SEC23IP: variants seen among roughly 807,000 people sequenced by gnomAD.
The protein encoded by SEC23IP is SEC23-interacting protein.
In SEC23IP, 70 loss-of-function variants were observed where a neutral mutation model predicts 113.4. That is an observed-to-expected ratio of 0.62 (90% CI 0.51 to 0.75). SEC23IP has a LOEUF of 0.75. Among genes scored for constraint, SEC23IP ranks in the 30% least tolerant of loss-of-function variants. The pLI is 0.00. For synonymous variants in SEC23IP, 398 were observed against 421.0 expected (o/e 0.95, Z 0.67); for missense variants, 1,160 against 1,204.9 (o/e 0.96, Z 0.55).
intron 18 of SEC23IP, among the ~76,000 whole-genome samples, chr10:119,937,485 G>A (rs927847285): frequency 1.3e-5 from 2 of 151,894 alleles, no homozygotes; most frequent in Admixed American, 6.6e-5. Context: ...AATTAGATGG[G>A]TGTGGTGGCT....
chr10:119,934,994 G>C (rs988552089), intron 18 of SEC23IP, among the ~76,000 whole-genome samples: 13 of 152,060 alleles, frequency 8.5e-5, no homozygotes, highest in Non-Finnish European at 1.6e-4. Flanking sequence ...AAAATTAGTC[G>C]GGTGTGGTGG....
At chr10:119,925,326 T>C (rs1564920822) in intron 12 of SEC23IP, among the ~76,000 whole-genome samples, 1 of 152,222 alleles carries the variant, frequency 6.6e-6, no homozygotes, top group Non-Finnish European at 1.5e-5. Context: ...CTAAGTAGCA[T>C]GAACAGTATG....
At chr10:119,893,494 A>T (rs978466640) in intron 1 of SEC23IP, among the ~76,000 whole-genome samples, 1 of 150,480 alleles carries the variant, frequency 6.6e-6, no homozygotes, top group African/African-American at 2.5e-5. Context: ...TGAAGTAGAC[A>T]TATACAATGC....
chr10:119,918,141 C>T (rs957679177), intron 9 of SEC23IP, 97 bp downstream of exon 9: 2 of 1,047,216 alleles, frequency 1.9e-6, no homozygotes, highest in Admixed American at 2.3e-5. Flanking sequence ...TTAAGAATTA[C>T]AGATTTTAAG....
rs745835504 is a variant in SEC23IP, at chr10:119,933,669, G to A, written c.2922-17G>A. On this transcript the variant is annotated splice_polypyrimidine_tract_variant and intron_variant, in intron 17 of 18. Transcript: ENST00000369075. Reference sequence around the variant, plus strand: ...TTCTAATTGTCTCTTAAGTAAATATGCTTTTCCTTTTCATAGGGAATCTGA... The same window carrying A: ...TTCTAATTGTCTCTTAAGTAAATATACTTTTCCTTTTCATAGGGAATCTGA... The A allele has an allele frequency of 7.3e-7, 1 of 1,365,328 alleles. No individual in the cohort carries two copies. The highest frequency in any genetic ancestry group is 1.2e-5 in the South Asian group (1 of 84,554). The allele number at this position is 1,365,328 out of a possible 1,614,324, so 84.6% of individuals were successfully genotyped here. A position where few individuals can be genotyped will look rare whatever the true frequency, so the allele number is the denominator to read the frequency against.
Position 119,917,871 on chromosome 10 carries a change from G to A in SEC23IP, c.1580G>A (p.Arg527Gln), listed in dbSNP as rs750514756. ...AAAATCACTTTGCCAAGTATTGGTC[G>A]ATTTCGTCACTTTACCAATGAAACT... The part of the protein sequence containing the change: ...IKKITLPSIG[R>Q]FRHFTNETLL... Residue 527 changes from arginine (R) to glutamine (Q), a missense_variant, in exon 9 of 19, where the codon CGA becomes CAA. Transcript: ENST00000369075. 27 of 1,613,862 alleles carry A rather than the reference G, an allele frequency of 1.7e-5. No individual in the cohort carries two copies. In the East Asian group the frequency reaches 2.2e-4, roughly 13 times the overall value.
intron 6 of SEC23IP, 28 bp downstream of exon 6, chr10:119,912,192 T>C: frequency 6.2e-7 from 1 of 1,609,994 alleles, no homozygotes; most frequent in Non-Finnish European, 8.5e-7. Context: ...AGAACTGAGG[T>C]CTGTTTTAGT....
At chr10:119,913,016 G>A (rs1274322601) in intron 6 of SEC23IP, among the ~76,000 whole-genome samples, 1 of 152,166 alleles carries the variant, frequency 6.6e-6, no homozygotes, top group Non-Finnish European at 1.5e-5. Context: ...AACAGTAGAA[G>A]TTATTCCTTC....
At chr10:119,896,731 C>G (rs564220289) in intron 1 of SEC23IP, among the ~76,000 whole-genome samples, 3 of 151,546 alleles carry the variant, frequency 2.0e-5, no homozygotes, top group Non-Finnish European at 4.4e-5. Context: ...GTTTCTCGGA[C>G]CAGGTTGACC....
At chr10:119,915,951 G>A (rs187517185) in intron 8 of SEC23IP, 62 bp downstream of exon 8, 13 of 1,303,204 alleles carry the variant, frequency 1.0e-5, no homozygotes, top group Middle Eastern at 2.0e-4. Flanking sequence ...GATTTAAACC[G>A]TAATATGAAA....
chr10:119,908,124 C>T (rs983083705), intron 4 of SEC23IP, among the ~76,000 whole-genome samples: 4 of 152,058 alleles, frequency 2.6e-5, no homozygotes, highest in Admixed American at 6.6e-5. Flanking sequence ...ATTTTGGTAT[C>T]TTTGAGGGGT....
intron 18 of SEC23IP, among the ~76,000 whole-genome samples, chr10:119,936,621 A>G (rs967437693): frequency 1.3e-5 from 2 of 150,796 alleles, no homozygotes; most frequent in African/African-American, 2.4e-5. Context: ...CTCAATTTTC[A>G]TATTTACCAT....
intron 4 of SEC23IP, among the ~76,000 whole-genome samples, chr10:119,905,150 A>G (rs1350686210): frequency 6.6e-6 from 1 of 152,030 alleles, no homozygotes; most frequent in African/African-American, 2.4e-5. Context: ...AAAAAAAAGT[A>G]TATATTTGTA....
rs1426637550 is a variant in SEC23IP, at chr10:119,929,570, G to A, written c.2314-37G>A. On this transcript the variant is annotated intron_variant, in intron 13 of 18. Coordinates refer to ENST00000369075, the MANE Select transcript of SEC23IP (RefSeq NM_007190.4). ...AAGAATTTTCTACTAGGTGACATTG[G>A]AACAATCATCTTTCATTGTTATTTG... is the stretch of plus-strand genomic sequence containing the variant. 3.2e-6 allele frequency: 5 copies of A among 1,570,886 alleles called. No homozygotes were observed. The East Asian group carries it at 9.0e-5, about 28-fold the overall frequency.
chr10:119,930,141 T>C (rs1229816244), intron 14 of SEC23IP, among the ~76,000 whole-genome samples, 188 bp from the exon 15 acceptor site: 4 of 152,268 alleles, frequency 2.6e-5, no homozygotes. Flanking sequence ...TCTTTTGCTT[T>C]GCTTGCAAAG....
intron 8 of SEC23IP, among the ~76,000 whole-genome samples, chr10:119,917,541 G>A (rs1323666081): frequency 6.6e-6 from 1 of 152,002 alleles, no homozygotes; most frequent in Non-Finnish European, 1.5e-5. Context: ...ACCACACTCG[G>A]CTAATTTGTG....
intron 18 of SEC23IP, among the ~76,000 whole-genome samples, chr10:119,938,621 T>C (rs553707988): frequency 1.2e-4 from 19 of 152,302 alleles, no homozygotes; most frequent in African/African-American, 3.6e-4. Flanking sequence ...CAGTAGAAGT[T>C]CTCAGTATAC....
At chr10:119,906,945 A>G (rs181832105) in intron 4 of SEC23IP, among the ~76,000 whole-genome samples, 17 of 152,138 alleles carry the variant, frequency 1.1e-4, no homozygotes, top group African/African-American at 3.9e-4. Context: ...TTGCTTTTAG[A>G]AATTATGAAT....
In SEC23IP at chr10:119,942,481, C is replaced by T. The variant is rs1855993718; in HGVS notation, c.*1916C>T. 6.6e-6 allele frequency: 1 copy of T among 152,160 alleles called. No individual in the cohort carries two copies. The highest frequency in any genetic ancestry group is 1.5e-5 in the Non-Finnish European group (1 of 68,028). The allele number at this position is 152,160 out of a possible 1,614,324, so 9.4% of individuals were successfully genotyped here. Reference sequence around the variant, plus strand: ...TGTAACCACCTTGCAGGATTTCAGTCTATAAACTAGGTGAGAATCCAGCTG... The same window carrying T: ...TGTAACCACCTTGCAGGATTTCAGTTTATAAACTAGGTGAGAATCCAGCTG... On this transcript the variant is annotated 3_prime_UTR_variant, in exon 19 of 19. Transcript: ENST00000369075.
Sources: allele counts gnomAD v4.1 joint callset (sites outside exome capture counted in the v4.1 genomes callset), GRCh38; gene constraint gnomAD v4.1.1; transcripts MANE v1.5; gene names NCBI Gene and HGNC (gene_info 2026-07-23, HGNC 2026-07-21).